SIPA1L3: variants seen among roughly 807,000 people sequenced by gnomAD.
The protein encoded by SIPA1L3 is signal-induced proliferation-associated 1-like protein 3.
In SIPA1L3, 59 loss-of-function variants were observed where a neutral mutation model predicts 150.1. The observed-to-expected ratio is 0.39, with a 90% CI of 0.32 to 0.49. SIPA1L3 has a LOEUF of 0.49. Among genes scored for constraint, SIPA1L3 ranks in the 20% least tolerant of loss-of-function variants. SIPA1L3 has a pLI of 0.86. For synonymous variants in SIPA1L3, 1,070 were observed against 1,077.6 expected (o/e 0.99, Z 0.14); for missense variants, 2,211 against 2,489.5 (o/e 0.89, Z 2.38).
intron 1 of SIPA1L3, among the ~76,000 whole-genome samples, chr19:37,948,846 G>C (rs527985944): frequency 6.6e-6 from 1 of 152,190 alleles, no homozygotes; most frequent in East Asian, 1.9e-4. Context: ...TTGAGTCAAG[G>C]CCTGAAAGAT....
At position 37,970,769 on chromosome 19, in the gene SIPA1L3, C is replaced by T. The variant is rs552463814; in HGVS notation, c.-378-58320C>T. 1.2e-4 allele frequency among the ~76,000 whole-genome samples: 19 copies of T among 152,320 alleles called. No individual in the cohort carries two copies. In the South Asian group the frequency reaches 3.5e-3, roughly 28 times the overall value. ...TGCTAGAGAGTCACAACTACCTTCA[C>T]GTTCTAAAGATGTCGGGTATTAGTG... On this transcript the variant is annotated intron_variant, in intron 1 of 21. Coordinates refer to ENST00000222345, the MANE Select transcript of SIPA1L3 (RefSeq NM_015073.3).
At chr19:38,071,861 G>A (rs1969730517) in intron 2 of SIPA1L3, among the ~76,000 whole-genome samples, 1 of 152,214 alleles carries the variant, frequency 6.6e-6, no homozygotes, top group Non-Finnish European at 1.5e-5. Context: ...CATCCCGCCT[G>A]TCCCAAGAAG....
intron 1 of SIPA1L3, among the ~76,000 whole-genome samples, chr19:37,938,684 T>C (rs2046624525): frequency 6.6e-6 from 1 of 150,406 alleles, no homozygotes. Flanking sequence ...AGTGCAGTGG[T>C]GTGATTTTGA....
At chr19:38,169,415 G>C (rs2145995048) in intron 15 of SIPA1L3, among the ~76,000 whole-genome samples, 1 of 152,054 alleles carries the variant, frequency 6.6e-6, no homozygotes, top group Non-Finnish European at 1.5e-5. Context: ...ATGTGGATAA[G>C]AGTGTGGCCT....
chr19:38,194,012 G>T (rs1321827135), intron 18 of SIPA1L3, among the ~76,000 whole-genome samples: 1 of 152,194 alleles, frequency 6.6e-6, no homozygotes, highest in South Asian at 2.1e-4. Flanking sequence ...CTAGGAGTCA[G>T]AAGCACCCAA....
chr19:38,078,438 GCACACACACACACACACA>G (rs66830496), intron 2 of SIPA1L3, among the ~76,000 whole-genome samples: 1 of 138,898 alleles, frequency 7.2e-6, no homozygotes, highest in Admixed American at 7.3e-5. Flanking sequence ...GCGCATACAT[GCACACACACACACACACA>G]CACACACACA....
intron 4 of SIPA1L3, among the ~76,000 whole-genome samples, chr19:38,095,444 C>T (rs12981412): frequency 1.3e-5 from 2 of 152,002 alleles, no homozygotes; most frequent in African/African-American, 2.4e-5. Context: ...CAGAGTCAAG[C>T]GGGGAGTACG....
At chr19:38,081,194 C>T (rs1410940698) in intron 2 of SIPA1L3, 62 bp from the exon 3 acceptor site, 1 of 403,546 alleles carries the variant, frequency 2.5e-6, no homozygotes, top group Non-Finnish European at 4.4e-6. Flanking sequence ...GTCACATGTC[C>T]CACTTTCTGG....
chr19:38,133,169 G>A (rs186427673), intron 10 of SIPA1L3, among the ~76,000 whole-genome samples: 88 of 152,254 alleles, frequency 5.8e-4, no homozygotes, highest in Non-Finnish European at 8.5e-4. Flanking sequence ...AAGGCACTGC[G>A]TGCCTGGTCT....
At chr19:38,106,817 C>T (rs1019608106) in intron 7 of SIPA1L3, among the ~76,000 whole-genome samples, 177 bp downstream of exon 7, 2 of 152,216 alleles carry the variant, frequency 1.3e-5, no homozygotes, top group South Asian at 4.1e-4. Flanking sequence ...CGAGATGTCA[C>T]TTTGGCCCCA....
chr19:37,982,409 G>C (rs1203978124), intron 1 of SIPA1L3, among the ~76,000 whole-genome samples: 1 of 152,226 alleles, frequency 6.6e-6, no homozygotes. Context: ...CCTAGTGCTG[G>C]CCAAGGTACT....
chr19:37,911,095 A>G (rs78856607), intron 1 of SIPA1L3, among the ~76,000 whole-genome samples: 3,290 of 152,270 alleles, frequency 0.022, 127 homozygotes, highest in African/African-American at 0.074. Flanking sequence ...AGAGATAACC[A>G]TTTATTCAGA....
intron 1 of SIPA1L3, among the ~76,000 whole-genome samples, chr19:37,985,443 A>G (rs1418129737): frequency 6.6e-6 from 1 of 152,148 alleles, no homozygotes; most frequent in African/African-American, 2.4e-5. Flanking sequence ...CAGGAGGATC[A>G]CTTGAAGCCA....
At chr19:38,009,152 A>G (rs1438344609) in intron 1 of SIPA1L3, among the ~76,000 whole-genome samples, 1 of 151,912 alleles carries the variant, frequency 6.6e-6, no homozygotes, top group Non-Finnish European at 1.5e-5. Context: ...CTCCTGCCTC[A>G]GTCTCCTGAG....
chr19:38,110,475 CT>C, intron 8 of SIPA1L3, 91 bp downstream of exon 8: 1 of 1,065,540 alleles, frequency 9.4e-7, no homozygotes, highest in Non-Finnish European at 1.4e-6. Flanking sequence ...CCCCCCACAC[CT>C]CACGTTGTGC....
intron 1 of SIPA1L3, among the ~76,000 whole-genome samples, chr19:37,960,425 A>G (rs952705788): frequency 3.5e-5 from 5 of 144,094 alleles, no homozygotes; most frequent in Admixed American, 7.0e-5. Flanking sequence ...TTTTTTTGAG[A>G]CAGAGTCTGG....
At chr19:38,022,826 G>T (rs777262362) in intron 1 of SIPA1L3, among the ~76,000 whole-genome samples, 1 of 152,232 alleles carries the variant, frequency 6.6e-6, no homozygotes, top group Non-Finnish European at 1.5e-5. Context: ...TTGCACAGCC[G>T]CACATGGGTC....
At chr19:37,936,608 A>G (rs902971601) in intron 1 of SIPA1L3, among the ~76,000 whole-genome samples, 1 of 152,252 alleles carries the variant, frequency 6.6e-6, no homozygotes, top group Admixed American at 6.5e-5. Flanking sequence ...GAATCTTCAC[A>G]GTGGCCCTAT....
Position 38,152,979 on chromosome 19 carries a change from A to G in SIPA1L3, c.3661+12A>G. On this transcript the variant is annotated intron_variant, in intron 13 of 21. Transcript: ENST00000222345. ...ACGCCAGAAGCCAGGTAGGGCCCCC[A>G]CCAGCTGCTGCGCCCACCCGCCTGC... 1 of 1,608,694 alleles carries G rather than the reference A, an allele frequency of 6.2e-7. No individual in the cohort carries two copies. The highest frequency in any genetic ancestry group is 8.5e-7 in the Non-Finnish European group (1 of 1,178,228).
Sources: gnomAD v4.1 joint callset for allele counts (sites outside exome capture counted in the v4.1 genomes callset) on GRCh38, gnomAD v4.1.1 for gene constraint, MANE v1.5 for transcripts, NCBI Gene and HGNC (gene_info 2026-07-23, HGNC 2026-07-21) for gene names.